ZDHHC14: variants seen among roughly 807,000 people sequenced by gnomAD.
The protein encoded by ZDHHC14 is palmitoyltransferase ZDHHC14.
Under a neutral mutation model 47.7 loss-of-function variants are expected in ZDHHC14, and 16 were observed. That is an observed-to-expected ratio of 0.34 (90% CI 0.23 to 0.51). The LOEUF is 0.51. Among genes scored for constraint, ZDHHC14 ranks in the 20% least tolerant of loss-of-function variants. The pLI, the probability that ZDHHC14 is intolerant of heterozygous loss-of-function variation, is 0.97. For missense variants in ZDHHC14, 515 were observed against 662.5 expected (o/e 0.78, Z 2.44); for synonymous variants, 293 against 278.9 (o/e 1.05, Z -0.50).
At chr6:157,458,724 T>C (rs933199607) in intron 1 of ZDHHC14, among the ~76,000 whole-genome samples, 2 of 152,030 alleles carry the variant, frequency 1.3e-5, no homozygotes, top group African/African-American at 4.8e-5. Context: ...TCCAAGTGCA[T>C]ATAGATCCTG....
intron 1 of ZDHHC14, among the ~76,000 whole-genome samples, chr6:157,519,488 G>T (rs1291337304): frequency 6.6e-6 from 1 of 152,164 alleles, no homozygotes; most frequent in Admixed American, 6.5e-5. Context: ...GCTCATGGGA[G>T]AAGTAAGGGC....
chr6:157,531,365 A>G (rs1349436629), intron 1 of ZDHHC14, among the ~76,000 whole-genome samples: 3 of 151,850 alleles, frequency 2.0e-5, no homozygotes, highest in Non-Finnish European at 4.4e-5. Context: ...CACTCGGTGC[A>G]CCGTCCGAAG....
At position 157,554,552 on chromosome 6, in the gene ZDHHC14, C is replaced by T. The variant is rs1782378045; in HGVS notation, c.406+11807C>T. Among the ~76,000 whole-genome samples, 5 of 152,134 alleles carry T rather than the reference C, an allele frequency of 3.3e-5. No homozygotes were observed. In the South Asian group the frequency reaches 1.0e-3, roughly 32 times the overall value. On this transcript the variant is annotated intron_variant, in intron 2 of 8. Transcript: ENST00000359775. ...CACAGTACATTTCAGTTCAGACTAG[C>T]CACACTTCCAGAGCTCTGTAGAATA...
At chr6:157,539,427 T>C (rs1356992972) in intron 1 of ZDHHC14, among the ~76,000 whole-genome samples, 3 of 151,792 alleles carry the variant, frequency 2.0e-5, no homozygotes, top group East Asian at 1.9e-4. Flanking sequence ...AATAAATAAA[T>C]AAACAAACAA....
Position 157,584,136 on chromosome 6 carries a change from G to A in ZDHHC14, c.407-8852G>A, listed in dbSNP as rs550948459. On this transcript the variant is annotated intron_variant, in intron 2 of 8. Transcript: ENST00000359775. ...CAATGGCAGTGGCCGAGGAGATCTC[G>A]GTTGCCTCTAGGAGCTGCACCTCAG... Among the ~76,000 whole-genome samples, 91 of 152,176 alleles carry A rather than the reference G, an allele frequency of 6.0e-4. 4 individuals are homozygous for A. In the South Asian group the frequency reaches 0.017, roughly 28 times the overall value.
At chr6:157,578,128 C>G (rs2886419) in intron 2 of ZDHHC14, among the ~76,000 whole-genome samples, 2,814 of 151,908 alleles carry the variant, frequency 0.019, 89 homozygotes, top group African/African-American at 0.065. Context: ...CACATATTTT[C>G]TCCAATTCTG....
At chr6:157,650,259 G>A (rs538487067) in intron 7 of ZDHHC14, among the ~76,000 whole-genome samples, 1 of 152,296 alleles carries the variant, frequency 6.6e-6, no homozygotes, top group South Asian at 2.1e-4. Flanking sequence ...GCGGTGGGGA[G>A]GAGCAGGGTT....
At chr6:157,547,244 C>A (rs562980202) in intron 2 of ZDHHC14, among the ~76,000 whole-genome samples, 2 of 152,230 alleles carry the variant, frequency 1.3e-5, no homozygotes, top group African/African-American at 4.8e-5. Context: ...CTCCTTCTCC[C>A]CTATCTTCGG....
At chr6:157,440,619 A>C (rs1778543315) in intron 1 of ZDHHC14, among the ~76,000 whole-genome samples, 1 of 152,236 alleles carries the variant, frequency 6.6e-6, no homozygotes, top group Non-Finnish European at 1.5e-5. Flanking sequence ...TGTTCACAGC[A>C]GCGTTCTTTA....
At chr6:157,504,369 C>T (rs184160596) in intron 1 of ZDHHC14, among the ~76,000 whole-genome samples, 1,630 of 150,336 alleles carry the variant, frequency 0.011, 35 homozygotes, top group African/African-American at 0.037. Flanking sequence ...ACCGTGGTCT[C>T]GATCTCCTGA....
At chr6:157,401,547 G>C (rs1205680013) in intron 1 of ZDHHC14, among the ~76,000 whole-genome samples, 1 of 151,052 alleles carries the variant, frequency 6.6e-6, no homozygotes, top group Non-Finnish European at 1.5e-5. Context: ...GTAGTGAGAT[G>C]CGCTCCTGCT....
chr6:157,567,730 TCA>T (rs1334956217), intron 2 of ZDHHC14, among the ~76,000 whole-genome samples: 6 of 150,514 alleles, frequency 4.0e-5, no homozygotes, highest in Non-Finnish European at 8.8e-5. Context: ...GACAGGAGAA[TCA>T]GTTGAACCTG....
chr6:157,596,494 A>G (rs1464695050), intron 3 of ZDHHC14, among the ~76,000 whole-genome samples: 1 of 152,126 alleles, frequency 6.6e-6, no homozygotes, highest in Non-Finnish European at 1.5e-5. Context: ...TTTCTTTGTT[A>G]AATAAGTTTG....
rs112627001 is a variant in ZDHHC14, at chr6:157,634,992, C to CT, written c.752+2123dup. Among the ~76,000 whole-genome samples, 276 of 145,294 alleles carry CT rather than the reference C, an allele frequency of 1.9e-3. 2 individuals are homozygous for CT. The highest frequency in any genetic ancestry group is 0.013 in the South Asian group (57 of 4,550). On this transcript the variant is annotated intron_variant, in intron 5 of 8. Transcript: ENST00000359775. ...TAGAGTGGCCTTGTTGCTACCTGGTCTTTTTTTTTTTTTCCCCCTGAAACG... is the reference window on the plus strand; with the variant it reads ...TAGAGTGGCCTTGTTGCTACCTGGTCTTTTTTTTTTTTTTCCCCCTGAAACG...
At chr6:157,480,692 T>G (rs1779605709) in intron 1 of ZDHHC14, among the ~76,000 whole-genome samples, 2 of 152,210 alleles carry the variant, frequency 1.3e-5, no homozygotes, top group African/African-American at 4.8e-5. Flanking sequence ...TGATCATGGT[T>G]TTAAGAAAAG....
chr6:157,389,533 A>G (rs979336802), intron 1 of ZDHHC14, among the ~76,000 whole-genome samples: 9 of 152,108 alleles, frequency 5.9e-5, no homozygotes, highest in Admixed American at 2.0e-4. Context: ...TTTCTATTTA[A>G]CTAATGTGTA....
chr6:157,595,714 T>G (rs1784101477), intron 3 of ZDHHC14, among the ~76,000 whole-genome samples: 1 of 152,212 alleles, frequency 6.6e-6, no homozygotes, highest in Non-Finnish European at 1.5e-5. Flanking sequence ...GACGGTGTAC[T>G]TCTGCATGTG....
At chr6:157,598,894 A>G (rs1784231937) in intron 3 of ZDHHC14, among the ~76,000 whole-genome samples, 1 of 152,260 alleles carries the variant, frequency 6.6e-6, no homozygotes, top group Non-Finnish European at 1.5e-5. Context: ...GGCAGATATC[A>G]CACTGAAAAT....
intron 1 of ZDHHC14, among the ~76,000 whole-genome samples, chr6:157,533,162 C>A (rs1285529116): frequency 6.6e-6 from 1 of 152,122 alleles, no homozygotes; most frequent in Non-Finnish European, 1.5e-5. Context: ...TTTCATCTAA[C>A]AAATAGTTAT....
Sources: gnomAD v4.1 joint callset for allele counts (sites outside exome capture counted in the v4.1 genomes callset) on GRCh38, gnomAD v4.1.1 for gene constraint, MANE v1.5 for transcripts, NCBI Gene and HGNC (gene_info 2026-07-23, HGNC 2026-07-21) for gene names.